The following FBLN5 variants were observed in gnomAD, a reference collection of about 807,000 sequenced individuals.
The protein encoded by FBLN5 is fibulin-5.
Under a neutral mutation model 61.6 loss-of-function variants are expected in FBLN5, and 24 were observed. The observed-to-expected ratio is 0.39, with a 90% CI of 0.28 to 0.55. The LOEUF (loss-of-function observed/expected upper bound fraction) is 0.55, where lower values mean the gene tolerates loss of function less well. Among genes scored for constraint, FBLN5 ranks in the 20% least tolerant of loss-of-function variants. The probability of loss-of-function intolerance (pLI) is 0.65; values close to 1 mark genes in which losing one functional copy is unlikely to be tolerated. For synonymous variants in FBLN5, 213 were observed against 219.8 expected (o/e 0.97, Z 0.27); for missense variants, 470 against 594.1 (o/e 0.79, Z 2.17).
chr14:91,906,645 C>A (rs1194705177), intron 4 of FBLN5, among the ~76,000 whole-genome samples: 1 of 152,232 alleles, frequency 6.6e-6, no homozygotes, highest in Non-Finnish European at 1.5e-5. Flanking sequence ...AATGGGGCTG[C>A]CCTTTCCCAG....
intron 4 of FBLN5, among the ~76,000 whole-genome samples, chr14:91,900,414 C>T (rs1566810926): frequency 1.3e-5 from 2 of 152,158 alleles, no homozygotes; most frequent in Non-Finnish European, 2.9e-5. Flanking sequence ...GTTGAAAATA[C>T]TTTGTTTTCA....
chr14:91,919,372 A>AAAG (rs1216726471), intron 4 of FBLN5, among the ~76,000 whole-genome samples: 11 of 114,962 alleles, frequency 9.6e-5, no homozygotes, highest in African/African-American at 2.8e-4. Flanking sequence ...AAAAGAAAAG[A>AAAG]AAAGAAAAGA....
Position 91,882,509 on chromosome 14 carries a change from G to A in FBLN5, c.862+445C>T, listed in dbSNP as rs895004175. Among the ~76,000 whole-genome samples, 2 of 152,190 alleles carry A rather than the reference G, an allele frequency of 1.3e-5. No homozygotes were observed. Among genetic ancestry groups the A allele is most frequent in the East Asian group, 3.9e-4 (2 of 5,182 alleles). Reference sequence around the variant, plus strand: ...GGAACAGAGCAGTCAGGTGCATGAGGTCTCCCTGGCAACCATGCTCTAGGA... The same window carrying A: ...GGAACAGAGCAGTCAGGTGCATGAGATCTCCCTGGCAACCATGCTCTAGGA... On this transcript the variant is annotated intron_variant, in intron 8 of 10. Transcript: ENST00000342058. The surrounding 1 kb of genome is among the most constrained non-coding windows in gnomAD (Gnocchi z 4.9).
chr14:91,879,930 T>C (rs1327212208), intron 9 of FBLN5, among the ~76,000 whole-genome samples: 2 of 151,990 alleles, frequency 1.3e-5, no homozygotes, highest in African/African-American at 2.4e-5. Context: ...ATTTGGAATA[T>C]AGGAGGCCAA....
chr14:91,894,666 G>A (rs1251312197), intron 5 of FBLN5, among the ~76,000 whole-genome samples: 1 of 152,108 alleles, frequency 6.6e-6, no homozygotes, highest in African/African-American at 2.4e-5. Flanking sequence ...AGGTTGCGGT[G>A]AGCCGAAATT....
rs78277125 is a variant in FBLN5 at position 91,887,447 on chromosome 14, G to A, written c.620-135C>T. On this transcript the variant is annotated intron_variant, in intron 6 of 10. Transcript: ENST00000342058. ...CCCAGGTACCAAGGCTCTCCACCCA[G>A]GACCTTTGGGAGCATGATCTTAGAT... The A allele has an allele frequency of 0.045, 39,364 of 877,966 alleles. 1,107 individuals are homozygous for A. Among genetic ancestry groups the A allele is most frequent in the Non-Finnish European group, 0.055 (29,404 of 532,080 alleles). 54.4% of individuals were successfully genotyped at this position (877,966 alleles called of 1,614,324 possible).
chr14:91,944,095 C>T (rs577166969), intron 1 of FBLN5, among the ~76,000 whole-genome samples: 21 of 152,108 alleles, frequency 1.4e-4, no homozygotes, highest in Non-Finnish European at 2.5e-4. Flanking sequence ...TTTGGGAGGC[C>T]GAGGCAGGAA....
chr14:91,871,773 C>G (rs781283774), intron 10 of FBLN5, among the ~76,000 whole-genome samples: 2 of 151,846 alleles, frequency 1.3e-5, no homozygotes, highest in African/African-American at 2.4e-5. Flanking sequence ...ACAAGAATTG[C>G]TTGAACCTGG....
intron 7 of FBLN5, among the ~76,000 whole-genome samples, chr14:91,884,675 T>C (rs1889644351): frequency 6.6e-6 from 1 of 152,212 alleles, no homozygotes; most frequent in African/African-American, 2.4e-5. Flanking sequence ...AACACGACAC[T>C]GTAACGTCTC....
rs564013224 is a variant in FBLN5, at chr14:91,937,546, G to A, written c.125-345C>T. On this transcript the variant is annotated intron_variant, in intron 3 of 10. Transcript: ENST00000342058. ...AAGAGGTGATTGGATCCTGAGGGCT[G>A]TACTCTCATGAATGGATTAATCTAC... Among the ~76,000 whole-genome samples the A allele has an allele frequency of 7.9e-5, 12 of 152,296 alleles. 1 individual carries two copies. Among genetic ancestry groups the A allele is most frequent in the South Asian group, 2.1e-4 (1 of 4,828 alleles).
chr14:91,872,102 G>A (rs1051266631), intron 10 of FBLN5, among the ~76,000 whole-genome samples: 1 of 152,198 alleles, frequency 6.6e-6, no homozygotes, highest in Admixed American at 6.5e-5. Context: ...CCTTGTCTAA[G>A]TGCTGTATGA....
At chr14:91,906,032 A>G (rs1890672124) in intron 4 of FBLN5, among the ~76,000 whole-genome samples, 1 of 152,124 alleles carries the variant, frequency 6.6e-6, no homozygotes, top group South Asian at 2.1e-4. Context: ...GATTACAGGC[A>G]TGTGCCACCA....
intron 4 of FBLN5, among the ~76,000 whole-genome samples, chr14:91,911,696 A>G (rs1363468780): frequency 6.6e-6 from 1 of 152,124 alleles, no homozygotes; most frequent in African/African-American, 2.4e-5. Context: ...GGTGAATCCA[A>G]ATGCTCTGGG....
rs144106340 is a variant in FBLN5 at position 91,877,812 on chromosome 14, T to C, written c.990-130A>G. On this transcript the variant is annotated intron_variant, in intron 9 of 10. Coordinates refer to ENST00000342058, the MANE Select transcript of FBLN5 (RefSeq NM_006329.4). ...GCATCCAAATGCCATAACTGTAGAA[T>C]GTCTCTGCTCCTGGCTTGAGTCTAA... is the stretch of plus-strand genomic sequence containing the variant. 86 of 742,644 alleles carry C rather than the reference T, an allele frequency of 1.2e-4. 1 individual carries two copies. The African/African-American group carries it at 1.3e-3, about 11-fold the overall frequency. The allele number at this position is 742,644 out of a possible 1,614,324, so 46.0% of individuals were successfully genotyped here.
intron 4 of FBLN5, among the ~76,000 whole-genome samples, chr14:91,934,688 C>A (rs987949630): frequency 3.3e-5 from 5 of 152,212 alleles, no homozygotes; most frequent in Non-Finnish European, 7.3e-5. Context: ...GAGCTGTGCT[C>A]TGGAAAACAC....
At chr14:91,880,073 C>T (rs577113404) in intron 9 of FBLN5, among the ~76,000 whole-genome samples, 1 of 152,356 alleles carries the variant, frequency 6.6e-6, no homozygotes, top group South Asian at 2.1e-4. Flanking sequence ...CTCTCCTCAA[C>T]TCTAATATTT....
In FBLN5 at chr14:91,869,580, G is replaced by A. The variant is rs1052451653; in HGVS notation, c.*644C>T. ...AGCATGTGTCTGAAGGCCTTTCGAA[G>A]GAATTCTACGACATATTTTTTAAAA... is the stretch of plus-strand genomic sequence containing the variant. On this transcript the variant is annotated 3_prime_UTR_variant, in exon 11 of 11. Transcript: ENST00000342058. The A allele has an allele frequency of 6.5e-6, 1 of 154,552 alleles. No individual in the cohort carries two copies. The highest frequency in any genetic ancestry group is 2.4e-5 in the African/African-American group (1 of 41,410). 9.6% of individuals were successfully genotyped at this position (154,552 alleles called of 1,614,324 possible). A position where few individuals can be genotyped will look rare whatever the true frequency, so the allele number is the denominator to read the frequency against.
chr14:91,880,548 TGTG>T (rs1434926950), intron 9 of FBLN5, among the ~76,000 whole-genome samples: 2 of 151,840 alleles, frequency 1.3e-5, no homozygotes, highest in African/African-American at 4.8e-5. Context: ...TGTGTGTGTG[TGTG>T]TGTGTGTGTG....
At chr14:91,879,283 T>C (rs1471569999) in intron 9 of FBLN5, among the ~76,000 whole-genome samples, 2 of 152,192 alleles carry the variant, frequency 1.3e-5, no homozygotes, top group East Asian at 1.9e-4. Flanking sequence ...GGACTGGCTA[T>C]GTGGAAATGA....
Sources: gnomAD v4.1 joint callset for allele counts (sites outside exome capture counted in the v4.1 genomes callset) on GRCh38, gnomAD v4.1.1 for gene constraint, Gnocchi (gnomAD v3.1) non-coding constraint, MANE v1.5 for transcripts, NCBI Gene and HGNC (gene_info 2026-07-23, HGNC 2026-07-21) for gene names.